Variants in IMMP2L observed in about 807,000 individuals in gnomAD.
IMMP2L encodes the protein mitochondrial inner membrane protease subunit 2.
A neutral mutation model predicts 19.3 loss-of-function variants in IMMP2L; 18 were observed. The ratio of observed to expected loss-of-function variants is 0.93; its 90% CI spans 0.64 to 1.38. The LOEUF (loss-of-function observed/expected upper bound fraction) is 1.38. Among genes scored for constraint, IMMP2L ranks in the 40% most tolerant of loss-of-function variants. IMMP2L has a pLI of 0.00. For synonymous variants in IMMP2L, 76 were observed against 73.0 expected (o/e 1.04, Z -0.21); for missense variants, 233 against 218.2 (o/e 1.07, Z -0.43).
intron 5 of IMMP2L, among the ~76,000 whole-genome samples, chr7:110,691,228 C>T (rs890080322): frequency 2.6e-5 from 4 of 152,052 alleles, no homozygotes; most frequent in Middle Eastern, 3.2e-3. Flanking sequence ...AAAGGACACC[C>T]TATGTCATAA....
intron 3 of IMMP2L, among the ~76,000 whole-genome samples, chr7:111,437,307 A>T (rs1009895709): frequency 1.3e-5 from 2 of 151,632 alleles, no homozygotes; most frequent in Admixed American, 6.6e-5. Flanking sequence ...TAACCAGGCA[A>T]CATGCCACAT....
At chr7:111,125,089 A>G (rs1331026725) in intron 3 of IMMP2L, 2 of 502,282 alleles carry the variant, frequency 4.0e-6, no homozygotes, top group African/African-American at 2.0e-5. Flanking sequence ...CAGCATTTTA[A>G]GTAACTGGCT....
intron 3 of IMMP2L, among the ~76,000 whole-genome samples, chr7:111,435,198 A>T (rs1403386847): frequency 6.6e-6 from 1 of 151,888 alleles, no homozygotes; most frequent in Non-Finnish European, 1.5e-5. Context: ...ATCCAAAGGG[A>T]AGAAATCATC....
chr7:111,268,569 CTTTTTTTTTTTTTTTTTTTTTTTTTTTT>C (rs762576425), intron 3 of IMMP2L, among the ~76,000 whole-genome samples: 33 of 44,590 alleles, frequency 7.4e-4, no homozygotes, highest in Admixed American at 1.5e-3. Context: ...TCACATTTCT[CTTTTTTTTTTTTTTTTTTTTTTTTTTTT>C]TTTTTTTTTT....
intron 5 of IMMP2L, among the ~76,000 whole-genome samples, chr7:110,792,685 T>A (rs1356058445): frequency 6.6e-6 from 1 of 151,974 alleles, no homozygotes; most frequent in Non-Finnish European, 1.5e-5. Context: ...CACATCATTA[T>A]CTCCCAAAGT....
intron 3 of IMMP2L, among the ~76,000 whole-genome samples, chr7:111,304,670 A>ATGTGTGTGTGTGTGTGTGTGTGTGTG (rs147788856): frequency 7.9e-6 from 1 of 126,010 alleles, no homozygotes; most frequent in Non-Finnish European, 1.7e-5. Flanking sequence ...CACATATATA[A>ATGTGTGTGTGTGTGTGTGTGTGTGTG]TGTGTGTGTG....
intron 3 of IMMP2L, among the ~76,000 whole-genome samples, chr7:111,421,845 T>C (rs1835590137): frequency 6.6e-6 from 1 of 151,876 alleles, no homozygotes; most frequent in South Asian, 2.1e-4. Flanking sequence ...AGGGTTTTTA[T>C]GGTTTTAGGT....
At chr7:111,415,586 G>A (rs984712633) in intron 3 of IMMP2L, among the ~76,000 whole-genome samples, 2 of 151,770 alleles carry the variant, frequency 1.3e-5, no homozygotes, top group Non-Finnish European at 2.9e-5. Context: ...TGTACATTTT[G>A]ACAATTGAAG....
chr7:110,778,204 A>G (rs1460759200), intron 5 of IMMP2L, among the ~76,000 whole-genome samples: 1 of 151,964 alleles, frequency 6.6e-6, no homozygotes, highest in Non-Finnish European at 1.5e-5. Context: ...AAATAATTCT[A>G]TTTAATACTT....
chr7:111,161,398 C>T (rs1036518824), intron 3 of IMMP2L, among the ~76,000 whole-genome samples: 1 of 151,764 alleles, frequency 6.6e-6, no homozygotes, highest in African/African-American at 2.4e-5. Context: ...TTTGACTAAG[C>T]TAACTTTTAG....
chr7:111,353,627 A>T (rs538498526), intron 3 of IMMP2L, among the ~76,000 whole-genome samples: 3 of 152,006 alleles, frequency 2.0e-5, no homozygotes, highest in Non-Finnish European at 4.4e-5. Context: ...TTGCATTAAC[A>T]CTCTTCTCTG....
intron 5 of IMMP2L, among the ~76,000 whole-genome samples, chr7:110,730,574 G>T (rs1203157078): frequency 6.6e-6 from 1 of 151,478 alleles, no homozygotes; most frequent in Non-Finnish European, 1.5e-5. Context: ...TGTTGCCCAG[G>T]CTGGAGTGCA....
At chr7:110,672,637 TG>T (rs1279590446) in intron 5 of IMMP2L, among the ~76,000 whole-genome samples, 2 of 152,162 alleles carry the variant, frequency 1.3e-5, no homozygotes, top group Admixed American at 6.5e-5. Flanking sequence ...GTACAGGCAT[TG>T]GGTAAATACA....
At chr7:110,996,564 C>T (rs1029181972) in intron 3 of IMMP2L, among the ~76,000 whole-genome samples, 3 of 152,096 alleles carry the variant, frequency 2.0e-5, no homozygotes, top group African/African-American at 7.2e-5. Flanking sequence ...CTTGTGATCA[C>T]TGACTCAGGG....
At chr7:111,187,346 A>G (rs1808382182) in intron 3 of IMMP2L, among the ~76,000 whole-genome samples, 1 of 152,262 alleles carries the variant, frequency 6.6e-6, no homozygotes, top group African/African-American at 2.4e-5. Context: ...CCCTTTTAGG[A>G]CCAACTAAAT....
chr7:110,962,563 T>C (rs762308652), intron 4 of IMMP2L: 2 of 199,490 alleles, frequency 1.0e-5, no homozygotes, highest in Non-Finnish European at 1.8e-5. Flanking sequence ...AATTCCACTG[T>C]ACACTCACAA....
intron 5 of IMMP2L, among the ~76,000 whole-genome samples, chr7:110,844,598 A>G (rs1437286594): frequency 6.6e-6 from 1 of 151,782 alleles, no homozygotes; most frequent in Non-Finnish European, 1.5e-5. Context: ...TTTCAGATGT[A>G]TTCAAGCCAG....
intron 3 of IMMP2L, among the ~76,000 whole-genome samples, chr7:111,240,343 T>C (rs1176046120): frequency 6.6e-6 from 1 of 151,970 alleles, no homozygotes; most frequent in Non-Finnish European, 1.5e-5. Flanking sequence ...AGACATACAA[T>C]CTAACCATGG....
intron 3 of IMMP2L, among the ~76,000 whole-genome samples, chr7:111,057,180 T>C (rs1724165543): frequency 6.6e-6 from 1 of 152,204 alleles, no homozygotes; most frequent in African/African-American, 2.4e-5. Context: ...CTTCTCTGCA[T>C]TTTTTAGAGC....
Sources: allele counts gnomAD v4.1 joint callset (sites outside exome capture counted in the v4.1 genomes callset), GRCh38; gene constraint gnomAD v4.1.1; transcripts MANE v1.5; gene names NCBI Gene and HGNC (gene_info 2026-07-23, HGNC 2026-07-21).